SLC38A12: variants seen among roughly 807,000 people sequenced by gnomAD.
SLC38A12 encodes the protein putative sodium-coupled neutral amino acid transporter 12.
At chr17:74,788,933 C>T in the SLC38A12 span, 377 of 1,459,084 alleles carry the variant, frequency 2.6e-4, 1 homozygote, top group African/African-American at 4.7e-3. Context: ...AGCAGGCGGT[C>T]TCAGCAGCCC....
At chr17:74,795,742 A>G in the SLC38A12 span, 3 of 801,896 alleles carry the variant, frequency 3.7e-6, no homozygotes, top group Non-Finnish European at 4.1e-6. Flanking sequence ...AGGAGGATCT[A>G]CTCTTCTCCA....
the SLC38A12 span, among the ~76,000 whole-genome samples, chr17:74,810,137 C>T: frequency 4.6e-5 from 7 of 152,192 alleles, no homozygotes; most frequent in South Asian, 4.1e-4. Context: ...GTAGATCTTC[C>T]GTCTCTCCAC....
chr17:74,798,155 C>A, the SLC38A12 span, among the ~76,000 whole-genome samples: 1 of 152,208 alleles, frequency 6.6e-6, no homozygotes, highest in Non-Finnish European at 1.5e-5. Context: ...CCTACCCAGG[C>A]TGCATTTTTA....
the SLC38A12 span, among the ~76,000 whole-genome samples, chr17:74,822,718 A>G: frequency 6.6e-6 from 1 of 152,212 alleles, no homozygotes; most frequent in South Asian, 2.1e-4. Flanking sequence ...AAAATTACCC[A>G]GTTAAGTAAA....
the SLC38A12 span, among the ~76,000 whole-genome samples, chr17:74,809,875 C>T: frequency 6.6e-6 from 1 of 152,206 alleles, no homozygotes; most frequent in Admixed American, 6.5e-5. Context: ...GCAGGTGCCC[C>T]ACTGTTGGCC....
the SLC38A12 span, chr17:74,785,420 G>T: frequency 1.9e-6 from 3 of 1,578,558 alleles, no homozygotes; most frequent in Non-Finnish European, 2.6e-6. Context: ...CGTTCCTTGG[G>T]AGCTGTTAAG....
the SLC38A12 span, among the ~76,000 whole-genome samples, chr17:74,831,941 G>A: frequency 5.9e-5 from 9 of 152,302 alleles, no homozygotes; most frequent in African/African-American, 1.7e-4. Context: ...TGTCATCCTC[G>A]TTTCATCTTG....
chr17:74,824,834 C>G, the SLC38A12 span, among the ~76,000 whole-genome samples: 1 of 152,226 alleles, frequency 6.6e-6, no homozygotes, highest in Non-Finnish European at 1.5e-5. Context: ...CCACCTCCCT[C>G]AGCAACTGCC....
the SLC38A12 span, among the ~76,000 whole-genome samples, chr17:74,831,277 A>G: frequency 6.6e-6 from 1 of 151,998 alleles, no homozygotes; most frequent in African/African-American, 2.4e-5. Context: ...GGTACCCTGG[A>G]CTCTGGGCTC....
chr17:74,800,551 G>A, the SLC38A12 span, among the ~76,000 whole-genome samples: 3 of 152,260 alleles, frequency 2.0e-5, no homozygotes, highest in Admixed American at 1.3e-4. Context: ...ATTTATTCTT[G>A]CCAGTGCTGG....
At chr17:74,800,949 C>CA in the SLC38A12 span, among the ~76,000 whole-genome samples, 1 of 152,218 alleles carries the variant, frequency 6.6e-6, no homozygotes, top group African/African-American at 2.4e-5. Context: ...GACAGCCTGT[C>CA]AAGAGTGTCC....
At chr17:74,793,510 G>A in the SLC38A12 span, among the ~76,000 whole-genome samples, 6 of 152,284 alleles carry the variant, frequency 3.9e-5, no homozygotes, top group Middle Eastern at 0.01. Flanking sequence ...TCAGAAATGC[G>A]GGCCTAGCCA....
chr17:74,822,503 G>T, the SLC38A12 span, among the ~76,000 whole-genome samples: 1 of 152,210 alleles, frequency 6.6e-6, no homozygotes, highest in African/African-American at 2.4e-5. Context: ...TTTTTTGGTG[G>T]TGACATTGTT....
At chr17:74,839,743 A>C in the SLC38A12 span, 1 of 152,504 alleles carries the variant, frequency 6.6e-6, no homozygotes, top group Non-Finnish European at 1.5e-5. Flanking sequence ...CAATAAAGCT[A>C]TTCAGTGATA....
the SLC38A12 span, among the ~76,000 whole-genome samples, chr17:74,801,375 G>A: frequency 1.3e-5 from 2 of 152,238 alleles, no homozygotes; most frequent in African/African-American, 2.4e-5. Flanking sequence ...AGCTGGACTC[G>A]GTGAGGCTTC....
At chr17:74,824,220 T>C in the SLC38A12 span, among the ~76,000 whole-genome samples, 4 of 152,120 alleles carry the variant, frequency 2.6e-5, no homozygotes, top group Admixed American at 1.3e-4. Context: ...GCCTCTCTGC[T>C]CCGCCGCCCC....
the SLC38A12 span, chr17:74,788,695 G>C: frequency 1.6e-4 from 160 of 1,018,486 alleles, no homozygotes; most frequent in Non-Finnish European, 2.3e-4. Context: ...GGTCTGGGCT[G>C]GTGGGTCTGG....
At chr17:74,837,186 C>T in the SLC38A12 span, 3 of 986,128 alleles carry the variant, frequency 3.0e-6, no homozygotes, top group Non-Finnish European at 3.6e-6. Context: ...GCCAGGTCTG[C>T]CTGTGACGGC....
the SLC38A12 span, chr17:74,836,649 G>A: frequency 5.0e-5 from 80 of 1,611,518 alleles, no homozygotes; most frequent in East Asian, 3.8e-4. This position sits in a 1 kb window ranked among gnomAD's most constrained non-coding sequence, Gnocchi z 4.2. Flanking sequence ...CTTCATTTTC[G>A]TCACGGCCAA....
Sources: gnomAD v4.1 joint callset for allele counts (sites outside exome capture counted in the v4.1 genomes callset) on GRCh38, gnomAD v4.1.1 for gene constraint, Gnocchi (gnomAD v3.1) non-coding constraint, MANE v1.5 for transcripts, NCBI Gene and HGNC (gene_info 2026-07-23, HGNC 2026-07-21) for gene names.